The following TTLL4 variants were observed in gnomAD, a reference collection of about 807,000 sequenced individuals.
TTLL4 encodes the protein tubulin monoglutamylase TTLL4.
TTLL4 carries 85 observed loss-of-function variants against 122.7 expected under a neutral mutation model. The observed-to-expected ratio is 0.69, with a 90% CI of 0.58 to 0.83. TTLL4 has a LOEUF of 0.83. Among genes scored for constraint, TTLL4 ranks in the 40% least tolerant of loss-of-function variants. TTLL4 has a pLI of 0.00. For synonymous variants in TTLL4, 553 were observed against 563.0 expected, an observed-to-expected ratio of 0.98 and a Z score of 0.25; for missense variants, 1,363 against 1,488.6, an observed-to-expected ratio of 0.92 and a Z score of 1.39.
At chr2:218,723,405 C>T (rs1942100211) in intron 1 of TTLL4, among the ~76,000 whole-genome samples, 1 of 152,218 alleles carries the variant, frequency 6.6e-6, no homozygotes, top group African/African-American at 2.4e-5. Flanking sequence ...GTATTGGAGA[C>T]CTCCTACCAG....
At chr2:218,752,648 G>C in intron 16 of TTLL4, 115 bp from the exon 17 acceptor site, 1 of 1,063,500 alleles carries the variant, frequency 9.4e-7, no homozygotes, top group Non-Finnish European at 1.4e-6. Flanking sequence ...AGTTCCATGA[G>C]AGTCCCGGAG....
At chr2:218,721,120 G>T (rs1942027680) in intron 1 of TTLL4, among the ~76,000 whole-genome samples, 1 of 152,174 alleles carries the variant, frequency 6.6e-6, no homozygotes, top group Admixed American at 6.5e-5. Context: ...CTGTTCATCT[G>T]TATCCTTTGT....
chr2:218,750,018 C>T lies in TTLL4; in HGVS notation c.2745C>T (p.Ser915=). Residue 915 remains serine (S), a synonymous_variant, in exon 15 of 20, where the codon TCC becomes TCT. Transcript: ENST00000392102. ...TATCCTTTTTCTGAAGCCTCCACTC[C>T]AGCTCTCCACTGGATATCAGCATCA... ...LEVNISPSLH[S]SSPLDISIKG... 6.2e-7 allele frequency: 1 copy of T among 1,614,038 alleles called. No individual in the cohort carries two copies. The highest frequency in any genetic ancestry group is 2.2e-5 in the East Asian group (1 of 44,882).
chr2:218,722,062 G>A (rs750871217), intron 1 of TTLL4, among the ~76,000 whole-genome samples: 9 of 152,078 alleles, frequency 5.9e-5, no homozygotes, highest in African/African-American at 2.2e-4. Context: ...TGGGAGAATC[G>A]CTTGAGCCCA....
intron 5 of TTLL4, among the ~76,000 whole-genome samples, chr2:218,742,415 C>T (rs1942727083): frequency 6.6e-6 from 1 of 152,116 alleles, no homozygotes; most frequent in Non-Finnish European, 1.5e-5. Flanking sequence ...ACAGAAAAAT[C>T]ATTGGAAACA....
chr2:218,758,077 A>G (rs1374370459), downstream of TTLL4, among the ~76,000 whole-genome samples: 3 of 152,166 alleles, frequency 2.0e-5, no homozygotes, highest in Non-Finnish European at 4.4e-5. Flanking sequence ...CCGGGGATCT[A>G]TGCCAGCTCA....
intron 2 of TTLL4, among the ~76,000 whole-genome samples, chr2:218,736,849 CT>C (rs776690140): frequency 9.0e-4 from 126 of 139,394 alleles, no homozygotes; most frequent in African/African-American, 8.8e-4. Context: ...TTCAGATCGT[CT>C]TTTTTTTTTT....
At chr2:218,727,894 A>G (rs1363016152) in intron 2 of TTLL4, 1 of 152,072 alleles carries the variant, frequency 6.6e-6, no homozygotes, top group African/African-American at 2.4e-5. Context: ...TTTCTTGTGG[A>G]TATATGTGTA....
intron 8 of TTLL4, chr2:218,746,488 C>A: frequency 1.9e-6 from 1 of 523,052 alleles, no homozygotes; most frequent in Non-Finnish European, 3.4e-6. Context: ...TGAACTCCAA[C>A]CTCATAGGAG....
Position 218,738,730 on chromosome 2 carries a change from C to G in TTLL4, c.1054C>G (p.Pro352Ala). 1 of 1,614,194 alleles carries G rather than the reference C, an allele frequency of 6.2e-7. No homozygotes were observed. The highest frequency in any genetic ancestry group is 8.5e-7 in the Non-Finnish European group (1 of 1,180,024). ...KLTARGFEKM[P>A]RQGCQLEQSS... ...GACCGCAAGAGGCTTTGAGAAGATG[C>G]CGAGGCAAGGCTGCCAGCTTGAACA... is the stretch of plus-strand genomic sequence containing the variant. The change falls in exon 3 of 20, where the codon CCG becomes GCG. Residue 352 changes from proline to alanine, a missense_variant. Around this residue, in one of 3 missense-constraint regions of TTLL4, gnomAD observed 760 missense variants for 808.4 expected, o/e 0.94. Coordinates refer to ENST00000392102, the MANE Select transcript of TTLL4 (RefSeq NM_014640.5).
chr2:218,730,503 G>A (rs977868845), intron 2 of TTLL4, among the ~76,000 whole-genome samples: 1 of 151,520 alleles, frequency 6.6e-6, no homozygotes, highest in Non-Finnish European at 1.5e-5. Flanking sequence ...GCGAGACGCT[G>A]TCTCAAAGTA....
Position 218,738,321 on chromosome 2 carries a change from C to G in TTLL4, c.645C>G (p.Pro215=), listed in dbSNP as rs139218846. The G allele has an allele frequency of 6.0e-4, 966 of 1,613,924 alleles. 1 individual carries two copies. Among genetic ancestry groups the G allele is most frequent in the Non-Finnish European group, 7.8e-4 (925 of 1,179,972 alleles). The stretch of plus-strand genomic sequence containing the variant: ...CTCCACTCTCTTCCTCCTATAAGCC[C>G]ATGCTGAATAATAATTCCTTCATGT... The part of the protein sequence containing the change: ...IPSPLSSSYK[P]MLNNNSFMWP... The change falls in exon 3 of 20, where the codon CCC becomes CCG. Residue 215 remains proline, a synonymous_variant. Transcript: ENST00000392102.
chr2:218,725,872 TAAG>T (rs1168829674), intron 1 of TTLL4, among the ~76,000 whole-genome samples: 1 of 152,180 alleles, frequency 6.6e-6, no homozygotes, highest in African/African-American at 2.4e-5. Context: ...GCCTATTTCT[TAAG>T]AAGTTGCTGT....
In TTLL4 at chr2:218,752,801, T is replaced by C; in HGVS notation, c.3015T>C (p.Asp1005=). 6.2e-7 allele frequency: 1 copy of C among 1,614,212 alleles called. No homozygotes were observed. Among genetic ancestry groups the C allele is most frequent in the African/African-American group, 1.3e-5 (1 of 75,048 alleles). ...YASVLDVLTP[D]DVRILVEMED... Reference sequence around the variant, plus strand: ...CTGTGCTGGATGTCCTGACACCAGATGATGTTCGGATTCTGGTTGAGATGG... The same window carrying C: ...CTGTGCTGGATGTCCTGACACCAGACGATGTTCGGATTCTGGTTGAGATGG... The change falls in exon 17 of 20, where the codon GAT becomes GAC. Residue 1005 remains aspartate, a synonymous_variant. Coordinates refer to ENST00000392102, the MANE Select transcript of TTLL4 (RefSeq NM_014640.5).
intron 2 of TTLL4, among the ~76,000 whole-genome samples, chr2:218,731,187 G>C (rs1298433036): frequency 1.3e-5 from 2 of 151,892 alleles, no homozygotes; most frequent in Admixed American, 6.6e-5. Context: ...GAGGTGGGTG[G>C]ATCACTTGAG....
chr2:218,731,824 C>T (rs1233041333), intron 2 of TTLL4, among the ~76,000 whole-genome samples: 4 of 152,232 alleles, frequency 2.6e-5, no homozygotes, highest in Non-Finnish European at 4.4e-5. Context: ...CGTAGCTGCT[C>T]ATGCAGCCTG....
At chr2:218,745,411 T>C in intron 6 of TTLL4, 178 bp downstream of exon 6, 3 of 777,752 alleles carry the variant, frequency 3.9e-6, no homozygotes, top group Non-Finnish European at 6.1e-6. Context: ...TTCTTGTCTG[T>C]CCTTTAGCTG....
Position 218,738,154 on chromosome 2 carries a change from A to G in TTLL4, c.478A>G (p.Asn160Asp). The G allele has an allele frequency of 1.2e-6, 2 of 1,614,076 alleles. No homozygotes were observed. Among genetic ancestry groups the G allele is most frequent in the South Asian group, 2.2e-5 (2 of 91,080 alleles). Residue 160 changes from asparagine to aspartate, a missense_variant, in exon 3 of 20, where the codon AAC becomes GAC. By Grantham distance (23) the Asn-to-Asp change is conservative. Transcript: ENST00000392102. Reference sequence around the variant, plus strand: ...GAGCCTCCCTGTCAGTCTCACTGCCAACAAGGCCACTTCTTCCATGGTCTT... The same window carrying G: ...GAGCCTCCCTGTCAGTCTCACTGCCGACAAGGCCACTTCTTCCATGGTCTT... ...QKSLPVSLTANKATSSMVFSM... is the reference protein window; with the variant it reads ...QKSLPVSLTADKATSSMVFSM...
chr2:218,738,572 G>C lies in TTLL4; in HGVS notation c.896G>C (p.Ser299Thr), dbSNP rs1423391022. The change falls in exon 3 of 20, where the codon AGT (serine) becomes ACT (threonine). Residue 299 changes from serine (S) to threonine (T), a missense_variant. Physicochemically the swap from Ser to Thr is moderately conservative, Grantham distance 58. This residue lies in a region of TTLL4 where 760 missense variants were observed against 808.4 expected (regional missense o/e 0.94). Transcript: ENST00000392102. ...TASSHDTSTTSVASSWYNRNN... is the reference protein window; with the variant it reads ...TASSHDTSTTTVASSWYNRNN... ...AGCTCCCACGACACATCCACCACCA[G>C]TGTTGCCTCTTCCTGGTATAACCGG... 6.2e-7 allele frequency: 1 copy of C among 1,614,186 alleles called. No individual in the cohort carries two copies. The highest frequency in any genetic ancestry group is 8.5e-7 in the Non-Finnish European group (1 of 1,180,028).
Sources: gnomAD v4.1 joint callset for allele counts (sites outside exome capture counted in the v4.1 genomes callset) on GRCh38, gnomAD v4.1.1 for gene constraint, gnomAD v4.1.1 regional missense constraint, MANE v1.5 for transcripts, NCBI Gene and HGNC (gene_info 2026-07-23, HGNC 2026-07-21) for gene names.